TTC28: variants seen among roughly 807,000 people sequenced by gnomAD.
TTC28 encodes the protein tetratricopeptide repeat protein 28.
TTC28 carries 61 observed loss-of-function variants against 198.0 expected under a neutral mutation model. The observed-to-expected ratio is 0.31, with a 90% CI of 0.25 to 0.38. The LOEUF (loss-of-function observed/expected upper bound fraction) is 0.38. Ranked by LOEUF, TTC28 falls within the 10% of genes least tolerant of loss-of-function variation. The pLI is 1.00. For synonymous variants in TTC28, 1,171 were observed against 1,297.8 expected (o/e 0.90, Z 2.10); for missense variants, 2,678 against 3,164.0 (o/e 0.85, Z 3.69).
intron 5 of TTC28, among the ~76,000 whole-genome samples, chr22:28,198,589 G>A (rs1266964039): frequency 6.6e-6 from 1 of 152,088 alleles, no homozygotes; most frequent in Non-Finnish European, 1.5e-5. Flanking sequence ...AGTGCTAGCT[G>A]CTATAACAAG....
At chr22:28,379,176 T>C (rs1454561422) in intron 2 of TTC28, among the ~76,000 whole-genome samples, 1 of 152,148 alleles carries the variant, frequency 6.6e-6, no homozygotes, top group African/African-American at 2.4e-5. Context: ...AAAAAAAATA[T>C]ATAATTTCAG....
intron 2 of TTC28, among the ~76,000 whole-genome samples, chr22:28,566,293 T>C (rs546558477): frequency 6.6e-6 from 1 of 152,000 alleles, no homozygotes; most frequent in Non-Finnish European, 1.5e-5. Flanking sequence ...CAAAATCACA[T>C]AGGGACGACC....
At chr22:28,245,814 C>A (rs554633790) in intron 5 of TTC28, among the ~76,000 whole-genome samples, 1 of 152,290 alleles carries the variant, frequency 6.6e-6, no homozygotes, top group South Asian at 2.1e-4. Flanking sequence ...TTCAACCTGG[C>A]CAGTAAGACC....
At chr22:28,276,614 T>G (rs1170489303) in intron 5 of TTC28, among the ~76,000 whole-genome samples, 1 of 152,210 alleles carries the variant, frequency 6.6e-6, no homozygotes, top group Non-Finnish European at 1.5e-5. Flanking sequence ...CAGCAACTGC[T>G]GTGGCAGCTA....
rs1458701151 is a variant in TTC28 at position 28,297,845 on chromosome 22, G to A, written c.537C>T (p.Leu179=). ...AAMKSPMRDS[L]EPTYQQLQKM... is the part of the protein sequence containing the mutation. Reference sequence around the variant, plus strand: ...TCTGAAGCTGCTGATAAGTGGGCTCGAGGGAGTCTGAAAATAAACAACAAT... The same window carrying A: ...TCTGAAGCTGCTGATAAGTGGGCTCAAGGGAGTCTGAAAATAAACAACAAT... Residue 179 remains leucine, a synonymous_variant, in exon 4 of 23, where the codon CTC becomes CTT. Coordinates refer to ENST00000397906, the MANE Select transcript of TTC28 (RefSeq NM_001145418.2). The A allele has an allele frequency of 1.0e-5, 16 of 1,550,846 alleles. No homozygotes were observed. Among genetic ancestry groups the A allele is most frequent in the African/African-American group, 1.4e-5 (1 of 72,994 alleles).
chr22:28,396,506 T>G (rs939394660), intron 2 of TTC28, among the ~76,000 whole-genome samples: 1 of 152,200 alleles, frequency 6.6e-6, no homozygotes, highest in African/African-American at 2.4e-5. Context: ...CCAACCCCTT[T>G]TTAATGAAGC....
intron 2 of TTC28, among the ~76,000 whole-genome samples, chr22:28,374,188 T>G (rs1365207931): frequency 2.0e-5 from 3 of 152,222 alleles, no homozygotes; most frequent in Non-Finnish European, 2.9e-5. Context: ...CTTTCAAAAT[T>G]ACAATGTCTC....
At chr22:27,996,035 T>C in intron 17 of TTC28, 100 bp downstream of exon 17, 1 of 1,464,464 alleles carries the variant, frequency 6.8e-7, no homozygotes, top group Non-Finnish European at 9.1e-7. Flanking sequence ...CACGGTGTCC[T>C]CTCCAACTGC....
chr22:28,575,715 G>C (rs2050135868), intron 2 of TTC28, among the ~76,000 whole-genome samples: 1 of 152,078 alleles, frequency 6.6e-6, no homozygotes, highest in Non-Finnish European at 1.5e-5. Flanking sequence ...TCATTGTAGA[G>C]ATCTTTCACT....
chr22:28,519,443 G>A (rs914733649), intron 2 of TTC28, among the ~76,000 whole-genome samples: 6 of 152,184 alleles, frequency 3.9e-5, no homozygotes, highest in African/African-American at 1.2e-4. Flanking sequence ...CTGAAATGCC[G>A]AAACTCTCTC....
intron 12 of TTC28, among the ~76,000 whole-genome samples, chr22:28,047,186 C>G (rs942478207): frequency 6.6e-6 from 1 of 152,198 alleles, no homozygotes; most frequent in Non-Finnish European, 1.5e-5. Context: ...CAGGGGATAC[C>G]ACTCAGAGAG....
chr22:28,543,183 T>G (rs541655698), intron 2 of TTC28, among the ~76,000 whole-genome samples: 1 of 151,872 alleles, frequency 6.6e-6, no homozygotes, highest in African/African-American at 2.4e-5. Context: ...AAATAAAAAG[T>G]AACAAAAATA....
intron 5 of TTC28, among the ~76,000 whole-genome samples, chr22:28,201,874 A>T (rs1252398731): frequency 6.6e-6 from 1 of 152,078 alleles, no homozygotes; most frequent in East Asian, 1.9e-4. Context: ...GGCCCTGGGA[A>T]TACAGAGCTG....
Position 28,010,755 on chromosome 22 carries a change from TTCA to T in TTC28, c.4218+3490_4218+3492del, listed in dbSNP as rs1938123294. On this transcript the variant is annotated intron_variant, in intron 14 of 22. Transcript: ENST00000397906. ...AACAGGCCCAGCCCCTTCCTTCTGC[TTCA>T]TCCTCTTGGGAGAGCCCCCAGGTTC... Among the ~76,000 whole-genome samples, 3 of 152,144 alleles carry T rather than the reference TTCA, an allele frequency of 2.0e-5. No individual in the cohort carries two copies. The South Asian group carries it at 6.2e-4, about 32-fold the overall frequency.
rs147086550 is a variant in TTC28, at chr22:28,373,422, A to G, written c.382-66779T>C. On this transcript the variant is annotated intron_variant, in intron 2 of 22. Coordinates refer to ENST00000397906, the MANE Select transcript of TTC28 (RefSeq NM_001145418.2). ...TAGGCTGCTTTGCTAATACAGTAAC[A>G]CTTACTATCCTAGGGGCTATTAGCA... is the stretch of plus-strand genomic sequence containing the variant. 2.7e-3 allele frequency among the ~76,000 whole-genome samples: 404 copies of G among 152,308 alleles called. 1 individual carries two copies. Among genetic ancestry groups the G allele is most frequent in the African/African-American group, 9.2e-3 (382 of 41,574 alleles).
chr22:28,294,357 T>C (rs549102042), intron 5 of TTC28, among the ~76,000 whole-genome samples: 4 of 152,216 alleles, frequency 2.6e-5, no homozygotes, highest in African/African-American at 9.6e-5. Context: ...AATTACACTA[T>C]TGAGAAGAGG....
At chr22:28,388,611 T>C (rs1169853664) in intron 2 of TTC28, among the ~76,000 whole-genome samples, 5 of 152,204 alleles carry the variant, frequency 3.3e-5, no homozygotes, top group Non-Finnish European at 7.3e-5. Flanking sequence ...GAAGCAATTG[T>C]GAATGGGAGT....
At chr22:28,551,780 A>G (rs2044638457) in intron 2 of TTC28, among the ~76,000 whole-genome samples, 1 of 152,180 alleles carries the variant, frequency 6.6e-6, no homozygotes, top group Non-Finnish European at 1.5e-5. Flanking sequence ...TACACTTAAC[A>G]AAGAAAACTT....
At position 28,305,968 on chromosome 22, in the gene TTC28, T is replaced by C. The variant is rs564253136; in HGVS notation, c.529+528A>G. On this transcript the variant is annotated intron_variant, in intron 3 of 22. Coordinates refer to ENST00000397906, the MANE Select transcript of TTC28 (RefSeq NM_001145418.2). ...ATGTAAACTGGTATCTGTCTTGTTT[T>C]TTTCTTTTTTTATTTCAACATAATC... 2.0e-5 allele frequency among the ~76,000 whole-genome samples: 3 copies of C among 152,292 alleles called. No individual in the cohort carries two copies. In the South Asian group the frequency reaches 6.2e-4, roughly 32 times the overall value.
Sources: allele counts gnomAD v4.1 joint callset (sites outside exome capture counted in the v4.1 genomes callset), GRCh38; gene constraint gnomAD v4.1.1; transcripts MANE v1.5; gene names NCBI Gene and HGNC (gene_info 2026-07-23, HGNC 2026-07-21).